The following DCTN4 variants were observed in gnomAD, a reference collection of about 807,000 sequenced individuals.
DCTN4 encodes the protein dynactin subunit 4, also known as dynactin 4 (p62).
A neutral mutation model predicts 62.7 loss-of-function variants in DCTN4; 23 were observed. The ratio of observed to expected loss-of-function variants is 0.37; its 90% confidence interval spans 0.26 to 0.52. The LOEUF is 0.52. Ranked by LOEUF, DCTN4 falls within the 20% of genes least tolerant of loss-of-function variation. The pLI is 0.92. For synonymous variants in DCTN4, 199 were observed against 202.1 expected (o/e 0.98, Z 0.13); for missense variants, 514 against 580.4 (o/e 0.89, Z 1.18).
intron 3 of DCTN4, among the ~76,000 whole-genome samples, chr5:150,751,577 T>C (rs189401583): frequency 6.6e-6 from 1 of 152,258 alleles, no homozygotes; most frequent in African/African-American, 2.4e-5. Context: ...ACATTTAACT[T>C]ACTTTCTTTA....
intron 8 of DCTN4, among the ~76,000 whole-genome samples, chr5:150,726,227 A>G (rs1760140828): frequency 6.6e-6 from 1 of 152,192 alleles, no homozygotes; most frequent in Non-Finnish European, 1.5e-5. Flanking sequence ...GTCCTTGGAA[A>G]TTGGTATTGA....
intron 3 of DCTN4, among the ~76,000 whole-genome samples, chr5:150,748,173 G>C (rs1213164352): frequency 2.6e-5 from 4 of 151,796 alleles, no homozygotes; most frequent in South Asian, 4.2e-4. Flanking sequence ...GCAGCCAAAA[G>C]ACACATGAAA....
intron 8 of DCTN4, among the ~76,000 whole-genome samples, chr5:150,724,292 G>T (rs1760061274): frequency 6.6e-6 from 1 of 151,902 alleles, no homozygotes; most frequent in Non-Finnish European, 1.5e-5. Context: ...TGAATGTTAG[G>T]ATCTACTGGT....
At chr5:150,718,241 T>C (rs749165982) in intron 11 of DCTN4, 35 bp downstream of exon 11, 8 of 1,441,826 alleles carry the variant, frequency 5.5e-6, no homozygotes, top group Non-Finnish European at 7.8e-6. Flanking sequence ...CCAGGGAAAG[T>C]GCGGGTCAGT....
rs749438388 is a variant in DCTN4 at position 150,711,251 on chromosome 5, G to C, written c.1281C>G (p.Asn427Lys). The C allele has an allele frequency of 1.1e-5, 17 of 1,613,112 alleles. No individual in the cohort carries two copies. The South Asian group carries it at 1.4e-4, about 14-fold the overall frequency. Residue 427 changes from asparagine (N) to lysine (K), a missense_variant, in exon 13 of 13, where the codon AAC becomes AAG. Transcript: ENST00000447998. ...CAATGGGGCGAATGGGGGCTGCCAG[G>C]TTTTTAAAATCATGCTTCATCTTGA... Reference protein sequence around the residue: ...VCFKMKHDFKNLAAPIRPIEE... With the variant: ...VCFKMKHDFKKLAAPIRPIEE...
At position 150,721,736 on chromosome 5, in the gene DCTN4, G is replaced by C. The variant is rs150478877; in HGVS notation, c.908+1171C>G. 5.3e-4 allele frequency among the ~76,000 whole-genome samples: 80 copies of C among 152,192 alleles called. 1 individual carries two copies. Among genetic ancestry groups the C allele is most frequent in the East Asian group, 4.2e-3 (22 of 5,182 alleles). On this transcript the variant is annotated intron_variant, in intron 9 of 12. Coordinates refer to ENST00000447998, the MANE Select transcript of DCTN4 (RefSeq NM_016221.4). Reference sequence around the variant, plus strand: ...ATTTCTGGGAATTCTCTATGCCTGGGATATTAAACTTTTGTTTGTCATGAC... The same window carrying C: ...ATTTCTGGGAATTCTCTATGCCTGGCATATTAAACTTTTGTTTGTCATGAC...
At position 150,731,499 on chromosome 5, in the gene DCTN4, G is replaced by C; in HGVS notation, c.538-10C>G. 1 of 1,610,378 alleles carries C rather than the reference G, an allele frequency of 6.2e-7. No individual in the cohort carries two copies. The highest frequency in any genetic ancestry group is 8.5e-7 in the Non-Finnish European group (1 of 1,178,830). ...CAAGACCATATTTGTCCTAAACAAAGTTCAGAAATTCCTATTAGAAAGTCC... is the reference window on the plus strand; with the variant it reads ...CAAGACCATATTTGTCCTAAACAAACTTCAGAAATTCCTATTAGAAAGTCC... On this transcript the variant is annotated splice_polypyrimidine_tract_variant and intron_variant, in intron 5 of 12. Coordinates refer to ENST00000447998, the MANE Select transcript of DCTN4 (RefSeq NM_016221.4).
At chr5:150,721,612 T>C (rs1216092925) in intron 9 of DCTN4, among the ~76,000 whole-genome samples, 2 of 152,228 alleles carry the variant, frequency 1.3e-5, no homozygotes, top group African/African-American at 4.8e-5. Context: ...ATATACAGTG[T>C]ATCTTCTGGT....
chr5:150,758,509 T>C, intron 1 of DCTN4: 1 of 1,006,128 alleles, frequency 9.9e-7, no homozygotes, highest in Non-Finnish European at 1.2e-6. Context: ...CAATAAATCC[T>C]GGAAAGGCAG....
rs200321622 is a variant in DCTN4 at position 150,719,739 on chromosome 5, T to C, written c.940A>G (p.Ile314Val). The change falls in exon 10 of 13, where the codon ATT becomes GTT. Residue 314 changes from isoleucine (I) to valine (V), a missense_variant. Transcript: ENST00000447998. ...NYIPEVRIMS[I>V]PNLRYMKESQ... is the part of the protein sequence containing the mutation. ...ACCTTCATGTAGCGAAGGTTGGGAA[T>C]TGACATGATTCTCACTTCTGGAATA... is the stretch of plus-strand genomic sequence containing the variant. The C allele has an allele frequency of 1.9e-6, 3 of 1,611,282 alleles. No individual in the cohort carries two copies. The highest frequency in any genetic ancestry group is 1.3e-5 in the African/African-American group (1 of 74,858).
chr5:150,734,523 T>G (rs1195084509), intron 4 of DCTN4: 1 of 152,220 alleles, frequency 6.6e-6, no homozygotes, highest in Non-Finnish European at 1.5e-5. Flanking sequence ...CTGACTTTAA[T>G]CTCACAGGGG....
At chr5:150,718,441 A>C in intron 10 of DCTN4, 58 bp from the exon 11 acceptor site, 7 of 1,227,698 alleles carry the variant, frequency 5.7e-6, no homozygotes, top group Non-Finnish European at 7.0e-6. Context: ...TGCTATACCG[A>C]ATATTTCGCA....
At chr5:150,712,764 A>G (rs1442023530) in intron 12 of DCTN4, among the ~76,000 whole-genome samples, 2 of 152,222 alleles carry the variant, frequency 1.3e-5, no homozygotes, top group African/African-American at 4.8e-5. Context: ...TTTGTGCTTT[A>G]ATAACTTAGT....
rs185425811 is a variant in DCTN4, at chr5:150,742,965, C to G, written c.386-808G>C. The G allele has an allele frequency of 5.3e-3, 825 of 156,360 alleles. 7 individuals are homozygous for G. Among genetic ancestry groups the G allele is most frequent in the African/African-American group, 0.019 (800 of 41,626 alleles). The allele number at this position is 156,360 out of a possible 1,614,324, so 9.7% of individuals were successfully genotyped here. A position where few individuals can be genotyped will look rare whatever the true frequency, so the allele number is the denominator to read the frequency against. On this transcript the variant is annotated intron_variant, in intron 3 of 12. Coordinates refer to ENST00000447998, the MANE Select transcript of DCTN4 (RefSeq NM_016221.4). Reference sequence around the variant, plus strand: ...GTTCATCTCACTAGGGAGTGCCAGACAGTGGGTGCAGGACAGTGGGTGCAG... The same window carrying G: ...GTTCATCTCACTAGGGAGTGCCAGAGAGTGGGTGCAGGACAGTGGGTGCAG...
chr5:150,742,207 AT>A (rs756917406), intron 3 of DCTN4, 50 bp from the exon 4 acceptor site: 1 of 1,579,830 alleles, frequency 6.3e-7, no homozygotes, highest in Admixed American at 1.7e-5. Flanking sequence ...TGATAATTTT[AT>A]TTTCATAAAA....
At chr5:150,732,359 C>T (rs1432691342) in intron 5 of DCTN4, among the ~76,000 whole-genome samples, 1 of 152,200 alleles carries the variant, frequency 6.6e-6, no homozygotes, top group Non-Finnish European at 1.5e-5. Context: ...CCATGTTGGC[C>T]AGACTGGTCT....
intron 8 of DCTN4, among the ~76,000 whole-genome samples, chr5:150,727,775 C>CAAAAAAAAA (rs11292193): frequency 8.5e-5 from 7 of 82,408 alleles, no homozygotes; most frequent in African/African-American, 1.1e-4. Context: ...GACTCCGTCT[C>CAAAAAAAAA]AAAAAAAAAA....
intron 8 of DCTN4, among the ~76,000 whole-genome samples, chr5:150,724,456 A>G (rs1394634470): frequency 6.6e-6 from 1 of 152,182 alleles, no homozygotes; most frequent in Non-Finnish European, 1.5e-5. Flanking sequence ...TTTACTTTTA[A>G]TGAAGTAAAA....
At position 150,753,487 on chromosome 5, in the gene DCTN4, T is replaced by C. The variant is rs368924947; in HGVS notation, c.377A>G (p.Lys126Arg). 3.1e-6 allele frequency: 5 copies of C among 1,613,698 alleles called. No homozygotes were observed. Among genetic ancestry groups the C allele is most frequent in the African/African-American group, 1.3e-5 (1 of 74,932 alleles). ...WTSRDVGMAD[K>R]SVASGGWQEP... is the part of the protein sequence containing the mutation. Reference sequence around the variant, plus strand: ...AAGTCCATCTCACTCACCTACAGATTTGTCTGCCATGCCCACATCTCTAGA... The same window carrying C: ...AAGTCCATCTCACTCACCTACAGATCTGTCTGCCATGCCCACATCTCTAGA... The change falls in exon 3 of 13, where the codon AAA becomes AGA. Residue 126 changes from lysine (K) to arginine (R), a missense_variant. Coordinates refer to ENST00000447998, the MANE Select transcript of DCTN4 (RefSeq NM_016221.4).
Sources: allele counts gnomAD v4.1 joint callset (sites outside exome capture counted in the v4.1 genomes callset), GRCh38; gene constraint gnomAD v4.1.1; transcripts MANE v1.5; gene names NCBI Gene and HGNC (gene_info 2026-07-23, HGNC 2026-07-21).